SUGP2: variants seen among roughly 807,000 people sequenced by gnomAD.
SUGP2 encodes the protein SURP and G-patch domain-containing protein 2.
SUGP2 carries 24 observed loss-of-function variants against 90.5 expected under a neutral mutation model. The ratio of observed to expected loss-of-function variants is 0.27; its 90% CI spans 0.19 to 0.37. The LOEUF is 0.37. SUGP2 is among the 10% of genes least tolerant of loss of function. The pLI is 1.00. For synonymous variants in SUGP2, 473 were observed against 513.4 expected (o/e 0.92, Z 1.06); for missense variants, 1,233 against 1,363.3 (o/e 0.90, Z 1.51).
At position 19,033,482 on chromosome 19, in the gene SUGP2, T is replaced by C. The variant is rs1193377684; in HGVS notation, c.-57A>G. 17 of 1,408,186 alleles carry C rather than the reference T, an allele frequency of 1.2e-5. No individual in the cohort carries two copies. The South Asian group carries it at 2.1e-4, about 18-fold the overall frequency. 87.2% of individuals were successfully genotyped at this position (1,408,186 alleles called of 1,614,324 possible). Reference sequence around the variant, plus strand: ...AGCCACCCCCGCCGCCGCCTCAGGCTCCTCACCCGCCGCCGCCGCCGCGCG... The same window carrying C: ...AGCCACCCCCGCCGCCGCCTCAGGCCCCTCACCCGCCGCCGCCGCCGCGCG... On this transcript the variant is annotated 5_prime_UTR_variant, in exon 1 of 11. Coordinates refer to ENST00000452918, the MANE Select transcript of SUGP2 (RefSeq NM_001017392.5).
intron 8 of SUGP2, among the ~76,000 whole-genome samples, chr19:18,997,559 T>TGG (rs2057654617): frequency 6.6e-6 from 1 of 151,978 alleles, no homozygotes; most frequent in Non-Finnish European, 1.5e-5. Flanking sequence ...CCAAGGTGCG[T>TGG]GGATCACGAT....
In SUGP2 at chr19:19,004,242, C is replaced by T. The variant is rs2057966193; in HGVS notation, c.2855G>A (p.Arg952Lys). 6.2e-7 allele frequency: 1 copy of T among 1,610,578 alleles called. No homozygotes were observed. The highest frequency in any genetic ancestry group is 1.7e-5 in the Admixed American group (1 of 59,640). The part of the protein sequence containing the change: ...ASSGTCFPRK[R>K]ISSKSLKVGM... ...AACCTTCAATGACTTGCTGCTGATC[C>T]TCTTCCGAGGGAAGCAGGTACCTGA... Residue 952 changes from arginine (R) to lysine (K), a missense_variant, in exon 7 of 11, where the codon AGG becomes AAG. By Grantham distance (26) the Arg-to-Lys change is conservative. Around this residue, in one of 8 missense-constraint regions of SUGP2, gnomAD observed 105 missense variants for 155.2 expected, o/e 0.68. Coordinates refer to ENST00000452918, the MANE Select transcript of SUGP2 (RefSeq NM_001017392.5).
At chr19:19,001,789 C>G in intron 7 of SUGP2, 115 bp from the exon 8 acceptor site, 2 of 1,038,450 alleles carry the variant, frequency 1.9e-6, no homozygotes, top group Non-Finnish European at 2.9e-6. Context: ...CAGAAGGTGT[C>G]TTAGGCTCTG....
At position 18,992,717 on chromosome 19, in the gene SUGP2, C is replaced by CT. The variant is rs2057414546; in HGVS notation, c.*1023dup. The stretch of plus-strand genomic sequence containing the variant: ...CCCGCTCAGTTCTGTGGCTGATGCC[C>CT]TAGCCACTGCTGTGTCCCCTAATCC... On this transcript the variant is annotated 3_prime_UTR_variant, in exon 11 of 11. Transcript: ENST00000452918. 1 of 152,190 alleles carries CT rather than the reference C, an allele frequency of 6.6e-6. No individual in the cohort carries two copies. The highest frequency in any genetic ancestry group is 2.1e-4 in the South Asian group (1 of 4,830). 9.4% of individuals were successfully genotyped at this position (152,190 alleles called of 1,614,324 possible). A position where few individuals can be genotyped will look rare whatever the true frequency, so the allele number is the denominator to read the frequency against.
At chr19:19,024,524 G>T in intron 3 of SUGP2, 95 bp downstream of exon 3, 2 of 1,401,584 alleles carry the variant, frequency 1.4e-6, no homozygotes, top group Non-Finnish European at 1.9e-6. Flanking sequence ...GTTTCCAATT[G>T]GCTAAAGAAC....
In SUGP2 at chr19:19,025,584, ATTTTTT is replaced by A; in HGVS notation, c.758_763del (p.Lys253_Lys254del). The A allele has an allele frequency of 6.2e-7, 1 of 1,613,302 alleles. No homozygotes were observed. Among genetic ancestry groups the A allele is most frequent in the Non-Finnish European group, 8.5e-7 (1 of 1,179,774 alleles). ...GGGAGTAATACGATTCACGGTGGGT[ATTTTTT>A]TTGTGCTCACATTTCTCAATGTGAC... On this transcript the variant is annotated inframe_deletion, in exon 3 of 11. Coordinates refer to ENST00000452918, the MANE Select transcript of SUGP2 (RefSeq NM_001017392.5).
intron 8 of SUGP2, among the ~76,000 whole-genome samples, chr19:18,999,319 G>C: frequency 6.6e-6 from 1 of 152,162 alleles, no homozygotes; most frequent in East Asian, 1.9e-4. Flanking sequence ...GGAGACAGCA[G>C]CATGTGCAGG....
At position 19,024,743 on chromosome 19, in the gene SUGP2, T is replaced by G; in HGVS notation, c.1605A>C (p.Leu535=). 6.2e-7 allele frequency: 1 copy of G among 1,614,204 alleles called. No individual in the cohort carries two copies. The highest frequency in any genetic ancestry group is 8.5e-7 in the Non-Finnish European group (1 of 1,180,044). The change falls in exon 3 of 11, where the codon CTA becomes CTC. Residue 535 remains leucine, a synonymous_variant. Coordinates refer to ENST00000452918, the MANE Select transcript of SUGP2 (RefSeq NM_001017392.5). ...REYIDHLKAW[L]VSSGCPLQVK... is the part of the protein sequence containing the mutation. Reference sequence around the variant, plus strand: ...CCTGGAGGGGACATCCGCTGCTGACTAGCCAGGCCTTCAGGTGGTCTATGT... The same window carrying G: ...CCTGGAGGGGACATCCGCTGCTGACGAGCCAGGCCTTCAGGTGGTCTATGT...
At chr19:19,024,510 A>G (rs6511010) in intron 3 of SUGP2, 109 bp downstream of exon 3, 944,424 of 1,273,580 alleles carry the variant, frequency 0.74, 351,987 homozygotes, top group East Asian at 0.9. Context: ...TAAAATCCTG[A>G]TATGTTTCCA....
intron 2 of SUGP2, among the ~76,000 whole-genome samples, chr19:19,030,150 T>TA (rs144938837): frequency 0.023 from 3,446 of 148,106 alleles, 130 homozygotes; most frequent in African/African-American, 0.081. Flanking sequence ...CCATATCTAT[T>TA]AAAAAAAACA....
At chr19:19,030,158 AC>A (rs1418563949) in intron 2 of SUGP2, among the ~76,000 whole-genome samples, 4 of 151,914 alleles carry the variant, frequency 2.6e-5, no homozygotes, top group Non-Finnish European at 4.4e-5. Flanking sequence ...ATTAAAAAAA[AC>A]AAAAAACAAA....
chr19:19,001,590 G>C lies in SUGP2; in HGVS notation c.2991+23C>G, dbSNP rs1214679750. ...TTCTAACCAACTATACTTTGAGTGAGGACTACCAATGATTACGCTCACCTT... is the reference window on the plus strand; with the variant it reads ...TTCTAACCAACTATACTTTGAGTGACGACTACCAATGATTACGCTCACCTT... On this transcript the variant is annotated intron_variant, in intron 8 of 10. Transcript: ENST00000452918. 13 of 1,612,860 alleles carry C rather than the reference G, an allele frequency of 8.1e-6. No homozygotes were observed. The East Asian group carries it at 2.7e-4, about 33-fold the overall frequency.
chr19:19,010,539 C>T (rs554911329), intron 4 of SUGP2, among the ~76,000 whole-genome samples, 197 bp from the exon 5 acceptor site: 4 of 152,146 alleles, frequency 2.6e-5, no homozygotes, highest in Non-Finnish European at 4.4e-5. Flanking sequence ...ACAGGGCAAT[C>T]GGGAGTTTGA....
Position 19,026,080 on chromosome 19 carries a change from A to C in SUGP2, c.268T>G (p.Phe90Val), listed in dbSNP as rs1476270944. 6.2e-7 allele frequency: 1 copy of C among 1,614,012 alleles called. No homozygotes were observed. Among genetic ancestry groups the C allele is most frequent in the Non-Finnish European group, 8.5e-7 (1 of 1,180,030 alleles). ...CTGATGGAAGGGTTGCTTGATCTGA[A>C]GGAAGGCCCTGGAAATACGTCACTT... is the stretch of plus-strand genomic sequence containing the variant. ...LRSDVFPGPS[F>V]RSSNPSISDD... Residue 90 changes from phenylalanine to valine, a missense_variant, in exon 3 of 11, where the codon TTC (phenylalanine) becomes GTC (valine). Physicochemically the swap from Phe to Val is conservative, Grantham distance 50. Transcript: ENST00000452918.
chr19:19,032,587 CA>C (rs2059216768), intron 1 of SUGP2, among the ~76,000 whole-genome samples: 1 of 152,106 alleles, frequency 6.6e-6, no homozygotes, highest in Admixed American at 6.6e-5. Flanking sequence ...GAACTAGTGA[CA>C]GTTCATTCTG....
chr19:19,021,045 G>A (rs1376511027), intron 3 of SUGP2, among the ~76,000 whole-genome samples: 1 of 151,660 alleles, frequency 6.6e-6, no homozygotes, highest in Non-Finnish European at 1.5e-5. Flanking sequence ...TGTAATCCCA[G>A]CTACTAGGGA....
intron 6 of SUGP2, among the ~76,000 whole-genome samples, chr19:19,006,549 C>G (rs184039483): frequency 2.0e-5 from 3 of 151,506 alleles, no homozygotes; most frequent in Non-Finnish European, 4.4e-5. Context: ...CAGGCTAATG[C>G]AAAATTCTCC....
chr19:19,015,785 G>A (rs923315229), intron 4 of SUGP2, among the ~76,000 whole-genome samples: 6 of 152,130 alleles, frequency 3.9e-5, no homozygotes, highest in Admixed American at 2.6e-4. Context: ...GATTACAGGC[G>A]TGAGCCACTG....
chr19:19,004,320 C>T lies in SUGP2; in HGVS notation c.2777G>A (p.Gly926Asp). Residue 926 changes from glycine to aspartate, a missense_variant, in exon 7 of 11, where the codon GGC becomes GAC. By Grantham distance (94) the Gly-to-Asp change is moderately conservative (BLOSUM62 -1). Coordinates refer to ENST00000452918, the MANE Select transcript of SUGP2 (RefSeq NM_001017392.5). Reference sequence around the variant, plus strand: ...AGCCAGGTCGTCCTCGGCAGCCTCGCCGGGAAGGCCGTCGGCAGGGGTGCT... The same window carrying T: ...AGCCAGGTCGTCCTCGGCAGCCTCGTCGGGAAGGCCGTCGGCAGGGGTGCT... ...EGSTPADGLP[G>D]EAAEDDLAGA... 1 of 1,613,550 alleles carries T rather than the reference C, an allele frequency of 6.2e-7. No homozygotes were observed. Among genetic ancestry groups the T allele is most frequent in the Non-Finnish European group, 8.5e-7 (1 of 1,179,638 alleles).
Sources: allele counts gnomAD v4.1 joint callset (sites outside exome capture counted in the v4.1 genomes callset), GRCh38; gene constraint gnomAD v4.1.1; regional missense constraint gnomAD v4.1.1; transcripts MANE v1.5; gene names NCBI Gene and HGNC (gene_info 2026-07-23, HGNC 2026-07-21).